DDX1: variants seen among roughly 807,000 people sequenced by gnomAD.
The protein encoded by DDX1 is DEAD-box helicase 1.
A neutral mutation model predicts 108.7 loss-of-function variants in DDX1; 28 were observed. The observed-to-expected ratio is 0.26, with a 90% CI of 0.19 to 0.35. DDX1 has a LOEUF of 0.35. Among genes scored for constraint, DDX1 ranks in the 10% least tolerant of loss-of-function variants. DDX1 has a pLI of 1.00. For missense variants in DDX1, 710 were observed against 884.5 expected (o/e 0.80, Z 2.50); for synonymous variants, 295 against 288.9 (o/e 1.02, Z -0.21).
In DDX1 at chr2:15,626,916, C is replaced by G. The variant is rs1168723923; in HGVS notation, c.1595-138C>G. The G allele has an allele frequency of 8.8e-6, 5 of 567,294 alleles. No individual in the cohort carries two copies. In the Admixed American group the frequency reaches 1.4e-4, roughly 16 times the overall value. 35.1% of individuals were successfully genotyped at this position (567,294 alleles called of 1,614,324 possible). A position where few individuals can be genotyped will look rare whatever the true frequency, so the allele number is the denominator to read the frequency against. ...TCGTTTGTGACATAAATTGTGTTAACCATGGTTTATAGCAAGTTGGGGCAT... is the reference window on the plus strand; with the variant it reads ...TCGTTTGTGACATAAATTGTGTTAAGCATGGTTTATAGCAAGTTGGGGCAT... On this transcript the variant is annotated intron_variant, in intron 19 of 25. Coordinates refer to ENST00000233084, the MANE Select transcript of DDX1 (RefSeq NM_004939.3).
chr2:15,615,808 G>A (rs1469653515), intron 14 of DDX1, among the ~76,000 whole-genome samples: 3 of 152,178 alleles, frequency 2.0e-5, no homozygotes, highest in African/African-American at 7.2e-5. Flanking sequence ...GTTTTGAATT[G>A]TCTGATTTAC....
Position 15,619,650 on chromosome 2 carries a change from T to C in DDX1, c.1207-558T>C, listed in dbSNP as rs1665959585. On this transcript the variant is annotated intron_variant, in intron 16 of 25. Transcript: ENST00000233084. Reference sequence around the variant, plus strand: ...GTTTGCTTTACGTTACTGGACGAAATAGTATACTCAAAGGTAACAGTCTTA... The same window carrying C: ...GTTTGCTTTACGTTACTGGACGAAACAGTATACTCAAAGGTAACAGTCTTA... Among the ~76,000 whole-genome samples, 3 of 152,208 alleles carry C rather than the reference T, an allele frequency of 2.0e-5. No homozygotes were observed. In the South Asian group the frequency reaches 6.2e-4, roughly 31 times the overall value.
At chr2:15,628,919 C>A in intron 23 of DDX1, 80 bp downstream of exon 23, 1 of 1,388,298 alleles carries the variant, frequency 7.2e-7, no homozygotes. Context: ...TTTGATTTTC[C>A]CATTTAAATT....
rs141767466 is a variant in DDX1 at position 15,618,237 on chromosome 2, T to C, written c.1173T>C (p.Ile391=). Residue 391 remains isoleucine, a synonymous_variant, in exon 16 of 26, where the codon ATT becomes ATC. Coordinates refer to ENST00000233084, the MANE Select transcript of DDX1 (RefSeq NM_004939.3). The part of the protein sequence containing the change: ...SDFINRMHNQ[I]PQVTSDGKRL... Reference sequence around the variant, plus strand: ...TTATAAATAGGATGCACAATCAGATTCCTCAGGTTACCTCTGATGGAAAAA... The same window carrying C: ...TTATAAATAGGATGCACAATCAGATCCCTCAGGTTACCTCTGATGGAAAAA... 4.9e-4 allele frequency: 773 copies of C among 1,591,086 alleles called. No homozygotes were observed. The highest frequency in any genetic ancestry group is 6.3e-4 in the Non-Finnish European group (734 of 1,163,292).
chr2:15,614,788 G>A (rs1218221127), intron 14 of DDX1, among the ~76,000 whole-genome samples: 1 of 152,182 alleles, frequency 6.6e-6, no homozygotes, highest in Non-Finnish European at 1.5e-5. Context: ...AGCAGAAAAT[G>A]AGCTGAAACA....
In DDX1 at chr2:15,607,218, G is replaced by A. The variant is rs758811119; in HGVS notation, c.861G>A (p.Pro287=). 2.5e-6 allele frequency: 4 copies of A among 1,613,928 alleles called. No individual in the cohort carries two copies. Among genetic ancestry groups the A allele is most frequent in the Admixed American group, 1.7e-5 (1 of 60,020 alleles). Residue 287 remains proline, a synonymous_variant, in exon 13 of 26, where the codon CCG becomes CCA. Coordinates refer to ENST00000233084, the MANE Select transcript of DDX1 (RefSeq NM_004939.3). The stretch of plus-strand genomic sequence containing the variant: ...AAACAAAGTTTCTCCCCAATGCTCC[G>A]AAAGCTCTCATTGTTGAACCTTCCC... The part of the protein sequence containing the change: ...VTQTKFLPNA[P]KALIVEPSRE...
intron 6 of DDX1, among the ~76,000 whole-genome samples, chr2:15,601,711 A>G (rs1665591653): frequency 6.6e-6 from 1 of 152,244 alleles, no homozygotes. Flanking sequence ...TTCAGTACCC[A>G]TATGGGTAAG....
chr2:15,614,046 C>T, intron 14 of DDX1, among the ~76,000 whole-genome samples: 1 of 152,040 alleles, frequency 6.6e-6, no homozygotes, highest in Non-Finnish European at 1.5e-5. Context: ...GTCTTGAACT[C>T]CTGACCTCAG....
intron 1 of DDX1, among the ~76,000 whole-genome samples, chr2:15,593,038 A>G (rs1665442573): frequency 6.6e-6 from 1 of 152,002 alleles, no homozygotes; most frequent in African/African-American, 2.4e-5. Context: ...CTCCTGCCTC[A>G]GCCTCCTGAG....
intron 18 of DDX1, among the ~76,000 whole-genome samples, chr2:15,622,458 A>G (rs1026415376): frequency 6.6e-6 from 1 of 152,160 alleles, no homozygotes; most frequent in African/African-American, 2.4e-5. Flanking sequence ...TGCTTAGAAA[A>G]CCTAGAAGAA....
At position 15,595,313 on chromosome 2, in the gene DDX1, T is replaced by G. The variant is rs952569260; in HGVS notation, c.68+117T>G. 5.9e-6 allele frequency: 6 copies of G among 1,018,446 alleles called. No individual in the cohort carries two copies. In the East Asian group the frequency reaches 1.0e-4, roughly 17 times the overall value. 63.1% of individuals were successfully genotyped at this position (1,018,446 alleles called of 1,614,324 possible). A position where few individuals can be genotyped will look rare whatever the true frequency, so the allele number is the denominator to read the frequency against. On this transcript the variant is annotated intron_variant, in intron 2 of 25. Coordinates refer to ENST00000233084, the MANE Select transcript of DDX1 (RefSeq NM_004939.3). Reference sequence around the variant, plus strand: ...TGGGTAAGTGAAAATCAGGTTTTTTTTGTGATTTTCTAAATTATGGAAAGT... The same window carrying G: ...TGGGTAAGTGAAAATCAGGTTTTTTGTGTGATTTTCTAAATTATGGAAAGT...
chr2:15,595,594 C>T (rs1302052009), intron 3 of DDX1, 41 bp downstream of exon 3: 2 of 1,358,410 alleles, frequency 1.5e-6, no homozygotes, highest in East Asian at 2.3e-5. Flanking sequence ...GCTGGGGACA[C>T]ACTCTAAGAA....
chr2:15,600,392 C>G (rs1445645558), intron 6 of DDX1, among the ~76,000 whole-genome samples: 1 of 152,214 alleles, frequency 6.6e-6, no homozygotes, highest in African/African-American at 2.4e-5. Context: ...AAAGCAGTTA[C>G]TCTCAGAATG....
rs183906871 is a variant in DDX1 at position 15,602,685 on chromosome 2, G to T, written c.391+54G>T. The T allele has an allele frequency of 1.8e-5, 23 of 1,310,484 alleles. No individual in the cohort carries two copies. The East Asian group carries it at 5.3e-4, about 30-fold the overall frequency. The allele number at this position is 1,310,484 out of a possible 1,614,324, so 81.2% of individuals were successfully genotyped here. Reference sequence around the variant, plus strand: ...AACTTTTGAGGCAAGGTATTAATACGTGAGGGTTTTTTTGTTGTTGTTTGT... The same window carrying T: ...AACTTTTGAGGCAAGGTATTAATACTTGAGGGTTTTTTTGTTGTTGTTTGT... On this transcript the variant is annotated intron_variant, in intron 7 of 25. Transcript: ENST00000233084.
At chr2:15,609,865 G>T (rs1665725087) in intron 13 of DDX1, among the ~76,000 whole-genome samples, 1 of 152,202 alleles carries the variant, frequency 6.6e-6, no homozygotes, top group South Asian at 2.1e-4. Context: ...AATTTCCAGA[G>T]AATAGGAATT....
At chr2:15,619,499 C>T (rs1189430771) in intron 16 of DDX1, among the ~76,000 whole-genome samples, 2 of 152,328 alleles carry the variant, frequency 1.3e-5, no homozygotes, top group African/African-American at 2.4e-5. Flanking sequence ...CATGTCTCCC[C>T]GCTGCAGCCA....
At chr2:15,609,273 A>C (rs1665717432) in intron 13 of DDX1, among the ~76,000 whole-genome samples, 1 of 152,254 alleles carries the variant, frequency 6.6e-6, no homozygotes, top group Admixed American at 6.5e-5. Context: ...GGGAAGATGA[A>C]TAATAAAATC....
chr2:15,606,341 A>C, intron 12 of DDX1, 77 bp downstream of exon 12: 161 of 993,704 alleles, frequency 1.6e-4, no homozygotes, highest in Non-Finnish European at 2.3e-4. Flanking sequence ...AAGGCGTCTC[A>C]TAGTGAGTTA....
At position 15,617,245 on chromosome 2, in the gene DDX1, T is replaced by G; in HGVS notation, c.1019T>G (p.Val340Gly). The G allele has an allele frequency of 1.9e-6, 3 of 1,550,496 alleles. No individual in the cohort carries two copies. Among genetic ancestry groups the G allele is most frequent in the Non-Finnish European group, 2.6e-6 (3 of 1,140,800 alleles). ...AGTGGTTGGTTTGCTTTTTTTCAGG[T>G]AGATATAGTTGTAGGTACTCCGGGA... ...RDQLSVLENG[V>G]DIVVGTPGRL... The change falls in exon 15 of 26, where the codon GTA (valine) becomes GGA (glycine). Residue 340 changes from valine (V) to glycine (G), a missense_variant and splice_region_variant. Physicochemically the swap from Val to Gly is moderately radical, Grantham distance 109. Around this residue, in one of 3 missense-constraint regions of DDX1, gnomAD observed 661 missense variants for 810.2 expected, o/e 0.82. Transcript: ENST00000233084.
Sources: allele counts gnomAD v4.1 joint callset (sites outside exome capture counted in the v4.1 genomes callset), GRCh38; gene constraint gnomAD v4.1.1; regional missense constraint gnomAD v4.1.1; transcripts MANE v1.5; gene names NCBI Gene and HGNC (gene_info 2026-07-23, HGNC 2026-07-21).